CCDC97: variants seen among roughly 807,000 people sequenced by gnomAD.
CCDC97 encodes coiled-coil domain containing 97, also known as coiled-coil domain-containing protein 97.
CCDC97 carries 27 observed loss-of-function variants against 33.9 expected under a neutral mutation model. The ratio of observed to expected loss-of-function variants is 0.80; its 90% CI spans 0.59 to 1.10. CCDC97 has a LOEUF of 1.10. Among genes scored for constraint, CCDC97 ranks in the 50% least tolerant of loss-of-function variants. The probability of loss-of-function intolerance (pLI) is 0.00; values close to 1 mark genes in which losing one functional copy is unlikely to be tolerated. For missense variants in CCDC97, 422 were observed against 476.6 expected (o/e 0.89, Z 1.07); for synonymous variants, 217 against 194.0 (o/e 1.12, Z -0.99).
chr19:41,318,601 T>A (rs1352567656), intron 2 of CCDC97, among the ~76,000 whole-genome samples: 2 of 152,094 alleles, frequency 1.3e-5, no homozygotes, highest in Non-Finnish European at 2.9e-5. Context: ...TGCCCTGGAC[T>A]CTGAAGACAC....
Position 41,310,201 on chromosome 19 carries a change from C to A in CCDC97, c.-110C>A. ...CCGGAACTTCGGTGCCTGGGCGCAGCGGTGCACCCGGACCCGGAACATTCT... is the reference window on the plus strand; with the variant it reads ...CCGGAACTTCGGTGCCTGGGCGCAGAGGTGCACCCGGACCCGGAACATTCT... On this transcript the variant is annotated 5_prime_UTR_variant, in exon 1 of 5. Transcript: ENST00000269967. The A allele has an allele frequency of 2.7e-6, 4 of 1,454,800 alleles. No individual in the cohort carries two copies. Among genetic ancestry groups the A allele is most frequent in the Admixed American group, 4.0e-5 (2 of 50,184 alleles). 90.1% of individuals were successfully genotyped at this position (1,454,800 alleles called of 1,614,324 possible). A position where few individuals can be genotyped will look rare whatever the true frequency, so the allele number is the denominator to read the frequency against.
At position 41,320,100 on chromosome 19, in the gene CCDC97, C is replaced by G. The variant is rs575105811; in HGVS notation, c.782-241C>G. On this transcript the variant is annotated intron_variant, in intron 3 of 4. Coordinates refer to ENST00000269967, the MANE Select transcript of CCDC97 (RefSeq NM_052848.3). The stretch of plus-strand genomic sequence containing the variant: ...GCTGTTCCCTCCGCCAGGAATGCCT[C>G]TCCTCCCACCCTTCAGGTCTCAGAT... Among the ~76,000 whole-genome samples, 19 of 152,298 alleles carry G rather than the reference C, an allele frequency of 1.2e-4. No individual in the cohort carries two copies. In the East Asian group the frequency reaches 3.7e-3, roughly 29 times the overall value.
chr19:41,314,155 CT>C (rs563468588), intron 1 of CCDC97, among the ~76,000 whole-genome samples: 294 of 143,006 alleles, frequency 2.1e-3, no homozygotes, highest in Admixed American at 2.1e-3. Context: ...GTTTTTTTTT[CT>C]TTTTTTTTTT....
chr19:41,320,250 G>GC (rs2037806128), intron 3 of CCDC97, 91 bp from the exon 4 acceptor site: 1 of 1,553,680 alleles, frequency 6.4e-7, no homozygotes, highest in African/African-American at 1.4e-5. Flanking sequence ...GCGCAAGGCT[G>GC]GGCACAGGAG....
chr19:41,322,483 C>T, intron 4 of CCDC97, 112 bp from the exon 5 acceptor site: 1 of 1,198,564 alleles, frequency 8.3e-7, no homozygotes, highest in Non-Finnish European at 1.2e-6. Context: ...GGAGGGTCAG[C>T]TCTGACGGCT....
intron 1 of CCDC97, among the ~76,000 whole-genome samples, chr19:41,315,768 A>T (rs889609166): frequency 3.3e-5 from 5 of 150,570 alleles, no homozygotes; most frequent in African/African-American, 1.2e-4. Context: ...CCAGCCTGGC[A>T]ATGGAGCAAG....
intron 4 of CCDC97, 37 bp from the exon 5 acceptor site, chr19:41,322,558 G>A (rs1020487255): frequency 1.9e-6 from 3 of 1,604,134 alleles, no homozygotes; most frequent in Middle Eastern, 1.7e-4. Flanking sequence ...GAGGGTCCCA[G>A]GGAGACCCAG....
intron 4 of CCDC97, 112 bp from the exon 5 acceptor site, chr19:41,322,483 C>G: frequency 8.3e-7 from 1 of 1,198,564 alleles, no homozygotes; most frequent in East Asian, 2.4e-5. Flanking sequence ...GGAGGGTCAG[C>G]TCTGACGGCT....
intron 1 of CCDC97, 195 bp downstream of exon 1, chr19:41,310,551 TC>T (rs1293848881): frequency 3.0e-6 from 3 of 985,096 alleles, no homozygotes; most frequent in East Asian, 2.3e-4. Flanking sequence ...CTCCATTCCT[TC>T]CCCCCGAAAT....
chr19:41,316,606 A>T lies in CCDC97; in HGVS notation c.269A>T (p.His90Leu). Residue 90 changes from histidine to leucine, a missense_variant, in exon 2 of 5, where the codon CAT (histidine) becomes CTT (leucine). Transcript: ENST00000269967. ...CAGGGTGAACCCGACTTGACAGAGC[A>T]TGAGAAAGTGGCCATCCTGGCCCAG... Reference protein sequence around the residue: ...QQQGEPDLTEHEKVAILAQLY... With the variant: ...QQQGEPDLTELEKVAILAQLY... 1.2e-6 allele frequency: 2 copies of T among 1,614,228 alleles called. No individual in the cohort carries two copies. The highest frequency in any genetic ancestry group is 8.5e-7 in the Non-Finnish European group (1 of 1,180,040).
rs1013388314 is a variant in CCDC97 at position 41,310,654 on chromosome 19, C to T, written c.46+298C>T. 3.0e-6 allele frequency: 4 copies of T among 1,324,618 alleles called. No homozygotes were observed. The African/African-American group carries it at 5.9e-5, about 20-fold the overall frequency. 82.1% of individuals were successfully genotyped at this position (1,324,618 alleles called of 1,614,324 possible). On this transcript the variant is annotated intron_variant, in intron 1 of 4. Transcript: ENST00000269967. ...CTCAAATTAACAGAAACCTCTCTAC[C>T]CCGGCCTAATTCCTGCATTGCCTCA...
chr19:41,314,962 C>A (rs1391371136), intron 1 of CCDC97, among the ~76,000 whole-genome samples: 1 of 151,588 alleles, frequency 6.6e-6, no homozygotes, highest in African/African-American at 2.4e-5. Context: ...CCTAGTGAGA[C>A]CTTGTCTTTA....
chr19:41,318,385 G>T (rs2037775940), intron 2 of CCDC97, among the ~76,000 whole-genome samples: 1 of 152,176 alleles, frequency 6.6e-6, no homozygotes, highest in African/African-American at 2.4e-5. Flanking sequence ...CCGGGAGGCG[G>T]AGGTTGCAGT....
Position 41,323,050 on chromosome 19 carries a change from CCTCT to C in CCDC97, c.*342_*345del, listed in dbSNP as rs1183949126. 2.1e-5 allele frequency: 4 copies of C among 194,350 alleles called. No individual in the cohort carries two copies. The highest frequency in any genetic ancestry group is 7.6e-5 in the South Asian group (1 of 13,166). 12.0% of individuals were successfully genotyped at this position (194,350 alleles called of 1,614,324 possible). On this transcript the variant is annotated 3_prime_UTR_variant, in exon 5 of 5. Coordinates refer to ENST00000269967, the MANE Select transcript of CCDC97 (RefSeq NM_052848.3). ...GGCTGGCTGTCTCTCCCTTTCTCCC[CCTCT>C]CTCTCTGCCTTAGGCTCTGTCTCCA...
rs1054550975 is a variant in CCDC97 at position 41,316,658 on chromosome 19, C to T, written c.321C>T (p.Phe107=). 36 of 1,614,064 alleles carry T rather than the reference C, an allele frequency of 2.2e-5. No homozygotes were observed. In the Admixed American group the frequency reaches 6.0e-4, roughly 27 times the overall value. ...TGTACCACGAGAAGCCACTGGTGTT[C>T]CTGGAGCGCTTCCGCACAGGCCTCC... is the stretch of plus-strand genomic sequence containing the variant. ...AQLYHEKPLV[F]LERFRTGLRE... is the part of the protein sequence containing the mutation. The change falls in exon 2 of 5, where the codon TTC becomes TTT. Residue 107 remains phenylalanine, a synonymous_variant. Coordinates refer to ENST00000269967, the MANE Select transcript of CCDC97 (RefSeq NM_052848.3).
chr19:41,315,522 A>T (rs551379947), intron 1 of CCDC97, among the ~76,000 whole-genome samples: 1 of 151,826 alleles, frequency 6.6e-6, no homozygotes, highest in East Asian at 1.9e-4. Context: ...ACCAACCACA[A>T]TAACTTGAAC....
intron 4 of CCDC97, among the ~76,000 whole-genome samples, chr19:41,321,893 G>C (rs533897739): frequency 6.6e-6 from 1 of 152,330 alleles, no homozygotes; most frequent in Non-Finnish European, 1.5e-5. Flanking sequence ...GGCATGGGCA[G>C]CTGTCCTGCC....
Position 41,316,794 on chromosome 19 carries a change from C to A in CCDC97, c.457C>A (p.Arg153Ser), listed in dbSNP as rs140291750. 6.2e-7 allele frequency: 1 copy of A among 1,601,570 alleles called. No homozygotes were observed. Among genetic ancestry groups the A allele is most frequent in the Non-Finnish European group, 8.5e-7 (1 of 1,170,334 alleles). Residue 153 changes from arginine (R) to serine (S), a missense_variant, in exon 2 of 5, where the codon CGC becomes AGC. Transcript: ENST00000269967. ...GTARPRTLRT[R>S]LRNRRYAALR... ...TGCCCGGCCCCGCACCCTGCGTACC[C>A]GCCTGCGTAACCGGCGCTATGCTGC...
intron 3 of CCDC97, 104 bp downstream of exon 3, chr19:41,319,956 C>G (rs1036877282): frequency 7.9e-6 from 5 of 634,200 alleles, no homozygotes; most frequent in African/African-American, 5.5e-5. Flanking sequence ...CTGCAAAAGC[C>G]GACATTGCGT....
Sources: allele counts gnomAD v4.1 joint callset (sites outside exome capture counted in the v4.1 genomes callset), GRCh38; gene constraint gnomAD v4.1.1; transcripts MANE v1.5; gene names NCBI Gene and HGNC (gene_info 2026-07-23, HGNC 2026-07-21).